Variants in ADAMTS12 observed in about 807,000 individuals in gnomAD.
The protein encoded by ADAMTS12 is A disintegrin and metalloproteinase with thrombospondin motifs 12.
In ADAMTS12, 118 loss-of-function variants were observed where a neutral mutation model predicts 167.8. The observed-to-expected ratio is 0.70, with a 90% confidence interval of 0.61 to 0.82. The LOEUF is 0.82. ADAMTS12 is among the 40% of genes least tolerant of loss of function. The pLI, the probability that ADAMTS12 is intolerant of heterozygous loss-of-function variation, is 0.00. For synonymous variants in ADAMTS12, 704 were observed against 716.9 expected, an observed-to-expected ratio of 0.98 and a Z score of 0.29; for missense variants, 1,916 against 1,998.8, an observed-to-expected ratio of 0.96 and a Z score of 0.79.
At chr5:33,639,626 G>A (rs1477050560) in intron 11 of ADAMTS12, among the ~76,000 whole-genome samples, 3 of 152,186 alleles carry the variant, frequency 2.0e-5, no homozygotes, top group Non-Finnish European at 1.5e-5. Flanking sequence ...GGACACAGGT[G>A]GTAGTGGCAA....
intron 3 of ADAMTS12, among the ~76,000 whole-genome samples, chr5:33,710,166 CTT>C (rs938964936): frequency 2.6e-4 from 39 of 152,230 alleles, no homozygotes; most frequent in Non-Finnish European, 1.2e-4. Context: ...GAATCAGTAA[CTT>C]ATATTATTTC....
At chr5:33,890,963 C>A (rs1750820619) in intron 1 of ADAMTS12, among the ~76,000 whole-genome samples, 1 of 152,090 alleles carries the variant, frequency 6.6e-6, no homozygotes, top group South Asian at 2.1e-4. Flanking sequence ...GGACTGTTTA[C>A]CCCCAGAGGT....
intron 7 of ADAMTS12, among the ~76,000 whole-genome samples, chr5:33,657,253 A>G (rs949510843): frequency 3.3e-5 from 5 of 152,182 alleles, no homozygotes; most frequent in African/African-American, 1.2e-4. Context: ...GGAATAATTC[A>G]GTCTCCAGTG....
At chr5:33,764,099 A>C (rs1426390397) in intron 2 of ADAMTS12, among the ~76,000 whole-genome samples, 1 of 152,218 alleles carries the variant, frequency 6.6e-6, no homozygotes, top group Non-Finnish European at 1.5e-5. Context: ...AGACTCTGCA[A>C]GGGCTCTGTT....
intron 13 of ADAMTS12, among the ~76,000 whole-genome samples, chr5:33,625,204 T>C: frequency 6.6e-6 from 1 of 151,996 alleles, no homozygotes. Flanking sequence ...TAACAGAAAA[T>C]AGCTTCATTC....
chr5:33,759,390 C>T (rs1745272497), intron 2 of ADAMTS12, among the ~76,000 whole-genome samples: 1 of 152,244 alleles, frequency 6.6e-6, no homozygotes, highest in Non-Finnish European at 1.5e-5. Flanking sequence ...GTTCAGCACC[C>T]AATTCCAGCA....
Position 33,843,277 on chromosome 5 carries a change from C to T in ADAMTS12, c.489+37842G>A, listed in dbSNP as rs189974962. Reference sequence around the variant, plus strand: ...GACTGAGCAAGATGAGAAAAATGTCCGTGTTAATGAGAAAGAGGCACAGTG... The same window carrying T: ...GACTGAGCAAGATGAGAAAAATGTCTGTGTTAATGAGAAAGAGGCACAGTG... On this transcript the variant is annotated intron_variant, in intron 2 of 23. Transcript: ENST00000504830. Among the ~76,000 whole-genome samples the T allele has an allele frequency of 2.0e-3, 306 of 152,186 alleles. 3 individuals carry two copies. The South Asian group carries it at 0.025, about 12-fold the overall frequency.
At chr5:33,688,314 C>G (rs776414363) in intron 3 of ADAMTS12, among the ~76,000 whole-genome samples, 18 of 150,794 alleles carry the variant, frequency 1.2e-4, no homozygotes, top group Non-Finnish European at 2.4e-4. Context: ...GCCAAACGGG[C>G]AGCTTAAGCA....
chr5:33,683,172 G>C, intron 4 of ADAMTS12, 71 bp from the exon 5 acceptor site: 1 of 1,163,002 alleles, frequency 8.6e-7, no homozygotes, highest in Non-Finnish European at 1.3e-6. Context: ...GAAGAAAATA[G>C]CATTGTAATG....
chr5:33,544,117 C>G (rs911877164), intron 22 of ADAMTS12, among the ~76,000 whole-genome samples: 2 of 152,144 alleles, frequency 1.3e-5, no homozygotes, highest in African/African-American at 2.4e-5. Flanking sequence ...AAAAACCCAT[C>G]GTCTCAGCCC....
At chr5:33,566,878 G>A (rs969482339) in intron 19 of ADAMTS12, among the ~76,000 whole-genome samples, 64 of 152,160 alleles carry the variant, frequency 4.2e-4, no homozygotes, top group Non-Finnish European at 3.8e-4. Flanking sequence ...CTGCAGGAGT[G>A]CCTCTATGCC....
chr5:33,699,157 C>A (rs1255563892), intron 3 of ADAMTS12, among the ~76,000 whole-genome samples: 1 of 151,874 alleles, frequency 6.6e-6, no homozygotes, highest in Non-Finnish European at 1.5e-5. Flanking sequence ...AACTCCATCT[C>A]AAACAATAAA....
At chr5:33,763,447 A>C (rs1416366587) in intron 2 of ADAMTS12, among the ~76,000 whole-genome samples, 1 of 152,224 alleles carries the variant, frequency 6.6e-6, no homozygotes, top group African/African-American at 2.4e-5. Flanking sequence ...TCCAAAAGGA[A>C]GGTAGCCATG....
chr5:33,575,457 T>C (rs998178680), intron 19 of ADAMTS12, among the ~76,000 whole-genome samples: 3 of 152,202 alleles, frequency 2.0e-5, no homozygotes, highest in African/African-American at 7.2e-5. Flanking sequence ...GATAGATGAA[T>C]TCGACATAAT....
intron 2 of ADAMTS12, among the ~76,000 whole-genome samples, chr5:33,785,455 G>A (rs2112448586): frequency 6.6e-6 from 1 of 152,244 alleles, no homozygotes. Flanking sequence ...GTGTACATGT[G>A]TGTGTGTACG....
chr5:33,613,377 C>T (rs566337415), intron 16 of ADAMTS12, among the ~76,000 whole-genome samples: 1 of 152,318 alleles, frequency 6.6e-6, no homozygotes, highest in East Asian at 1.9e-4. Context: ...AGCACTGCAG[C>T]AGAGATTCCA....
In ADAMTS12 at chr5:33,855,927, T is replaced by A. The variant is rs180786184; in HGVS notation, c.489+25192A>T. Among the ~76,000 whole-genome samples the A allele has an allele frequency of 1.5e-3, 223 of 152,228 alleles. 2 individuals carry two copies. The highest frequency in any genetic ancestry group is 5.2e-3 in the African/African-American group (214 of 41,528). On this transcript the variant is annotated intron_variant, in intron 2 of 23. Coordinates refer to ENST00000504830, the MANE Select transcript of ADAMTS12 (RefSeq NM_030955.4). ...TTTGTTTGTTTGTAGCGATGATGCCTCACTACGTTGTGTAGGTTTGTCTCC... is the reference window on the plus strand; with the variant it reads ...TTTGTTTGTTTGTAGCGATGATGCCACACTACGTTGTGTAGGTTTGTCTCC...
intron 2 of ADAMTS12, among the ~76,000 whole-genome samples, chr5:33,813,463 T>C (rs541815101): frequency 2.2e-4 from 34 of 152,280 alleles, no homozygotes; most frequent in African/African-American, 8.2e-4. Context: ...TTGCAGCCAT[T>C]CCCCATACAC....
At chr5:33,559,293 T>C (rs1371180740) in intron 20 of ADAMTS12, among the ~76,000 whole-genome samples, 1 of 152,158 alleles carries the variant, frequency 6.6e-6, no homozygotes, top group Non-Finnish European at 1.5e-5. Context: ...TTCCTAGGGT[T>C]GATCATGTAT....
Sources: gnomAD v4.1 joint callset for allele counts (sites outside exome capture counted in the v4.1 genomes callset) on GRCh38, gnomAD v4.1.1 for gene constraint, MANE v1.5 for transcripts, NCBI Gene and HGNC (gene_info 2026-07-23, HGNC 2026-07-21) for gene names.